OBI1: variants seen among roughly 807,000 people sequenced by gnomAD.
OBI1 encodes ring finger protein 219.
Under a neutral mutation model 62.4 loss-of-function variants are expected in OBI1, and 59 were observed. The observed-to-expected ratio is 0.95, with a 90% CI of 0.77 to 1.17. OBI1 has a LOEUF of 1.17. Ranked by LOEUF, OBI1 falls within the 50% of genes most tolerant of loss-of-function variation. The probability of loss-of-function intolerance (pLI) is 0.00; values close to 1 mark genes in which losing one functional copy is unlikely to be tolerated. For missense variants in OBI1, 875 were observed against 830.9 expected (o/e 1.05, Z -0.65); for synonymous variants, 302 against 292.8 (o/e 1.03, Z -0.32).
intron 1 of OBI1, among the ~76,000 whole-genome samples, chr13:78,646,121 G>A (rs1251127560): frequency 1.3e-5 from 2 of 152,186 alleles, no homozygotes; most frequent in Admixed American, 6.5e-5. Flanking sequence ...GGTTAACTGG[G>A]TGTGTTGACT....
chr13:78,656,943 A>C (rs1381075679), intron 1 of OBI1, among the ~76,000 whole-genome samples: 1 of 151,232 alleles, frequency 6.6e-6, no homozygotes, highest in Non-Finnish European at 1.5e-5. Flanking sequence ...CTGCCACCAC[A>C]CCCAGCAAAT....
At chr13:78,657,716 T>C (rs1031531423) in intron 1 of OBI1, among the ~76,000 whole-genome samples, 1 of 152,126 alleles carries the variant, frequency 6.6e-6, no homozygotes, top group African/African-American at 2.4e-5. Flanking sequence ...TTCCCAAGAA[T>C]ATTTTTATCA....
At chr13:78,629,259 A>G (rs1875775007) in intron 5 of OBI1, among the ~76,000 whole-genome samples, 1 of 152,132 alleles carries the variant, frequency 6.6e-6, no homozygotes, top group African/African-American at 2.4e-5. Flanking sequence ...TCAAACCCAT[A>G]GATCTCACTA....
rs528929849 is a variant in OBI1 at position 78,632,828 on chromosome 13, G to A, written c.638+2282C>T. Among the ~76,000 whole-genome samples, 312 of 152,194 alleles carry A rather than the reference G, an allele frequency of 2.1e-3. 1 individual carries two copies. The highest frequency in any genetic ancestry group is 5.9e-3 in the African/African-American group (246 of 41,550). On this transcript the variant is annotated intron_variant, in intron 5 of 5. Transcript: ENST00000282003. The stretch of plus-strand genomic sequence containing the variant: ...TGCATTGCAAATTGATCTGGAATAC[G>A]GTTTTCAGCTCAAATCGCTTTTCAA...
chr13:78,619,159 T>C (rs1295965068), intron 5 of OBI1, among the ~76,000 whole-genome samples: 2 of 152,092 alleles, frequency 1.3e-5, no homozygotes, highest in African/African-American at 2.4e-5. Context: ...AGTAAGTCAG[T>C]TGCTACCAAA....
At chr13:78,636,320 C>T (rs1876029070) in intron 4 of OBI1, among the ~76,000 whole-genome samples, 2 of 152,144 alleles carry the variant, frequency 1.3e-5, no homozygotes, top group South Asian at 4.1e-4. Flanking sequence ...AAAAATAACA[C>T]TCCCTAGACT....
intron 1 of OBI1, among the ~76,000 whole-genome samples, chr13:78,657,289 G>GAAA (rs11402361): frequency 1.4e-5 from 2 of 148,080 alleles, no homozygotes. Flanking sequence ...ACCAATACAG[G>GAAA]AAAAAAAAAA....
At chr13:78,658,979 G>T in intron 1 of OBI1, 70 bp downstream of exon 1, 1 of 1,414,774 alleles carries the variant, frequency 7.1e-7, no homozygotes. Context: ...CCCCGCACGA[G>T]ACGGCCCTCG....
chr13:78,616,605 G>A lies in OBI1; in HGVS notation c.1156C>T (p.Leu386Phe). The A allele has an allele frequency of 1.2e-6, 2 of 1,614,166 alleles. No homozygotes were observed. The highest frequency in any genetic ancestry group is 8.5e-7 in the Non-Finnish European group (1 of 1,180,028). ...VPYKDEELYDLPAPCTPLSLS... is the reference protein window; with the variant it reads ...VPYKDEELYDFPAPCTPLSLS... ...GACAAAGGAGTACAAGGAGCTGGAAGATCATAAAGTTCTTCATCTTTGTAG... is the reference window on the plus strand; with the variant it reads ...GACAAAGGAGTACAAGGAGCTGGAAAATCATAAAGTTCTTCATCTTTGTAG... The change falls in exon 6 of 6, where the codon CTT becomes TTT. Residue 386 changes from leucine to phenylalanine, a missense_variant. Coordinates refer to ENST00000282003, the MANE Select transcript of OBI1 (RefSeq NM_024546.4).
intron 1 of OBI1, among the ~76,000 whole-genome samples, chr13:78,648,384 A>G (rs1876450742): frequency 6.6e-6 from 1 of 151,940 alleles, no homozygotes; most frequent in African/African-American, 2.4e-5. Flanking sequence ...GTAAAAAAGG[A>G]AGTTATCTAC....
rs1876077512 is a variant in OBI1, at chr13:78,637,911, C to T, written c.549+912G>A. 3.3e-5 allele frequency among the ~76,000 whole-genome samples: 5 copies of T among 152,300 alleles called. 1 individual carries two copies. The South Asian group carries it at 1.0e-3, about 32-fold the overall frequency. The stretch of plus-strand genomic sequence containing the variant: ...TTTCTCTGCTACTTAACCTGAGGAC[C>T]TGAGAGCCAATATACAGGGGAACTC... On this transcript the variant is annotated intron_variant, in intron 4 of 5. Coordinates refer to ENST00000282003, the MANE Select transcript of OBI1 (RefSeq NM_024546.4).
intron 1 of OBI1, among the ~76,000 whole-genome samples, chr13:78,656,777 T>C (rs1876719560): frequency 7.0e-6 from 1 of 143,756 alleles, no homozygotes; most frequent in Non-Finnish European, 1.5e-5. Flanking sequence ...ATTAATTAAT[T>C]TTCTTTTATT....
chr13:78,620,763 A>C (rs1489926189), intron 5 of OBI1: 1 of 410,358 alleles, frequency 2.4e-6, no homozygotes, highest in Non-Finnish European at 4.8e-6. Flanking sequence ...CTAACAACAA[A>C]AAGTTCCTAA....
At chr13:78,619,705 C>T (rs1015236601) in intron 5 of OBI1, among the ~76,000 whole-genome samples, 20 of 152,134 alleles carry the variant, frequency 1.3e-4, no homozygotes, top group African/African-American at 4.8e-4. Context: ...CTTTCTCCCA[C>T]GTTAGAATAG....
intron 5 of OBI1, among the ~76,000 whole-genome samples, chr13:78,625,191 C>G (rs1377819139): frequency 6.6e-6 from 1 of 152,194 alleles, no homozygotes; most frequent in Non-Finnish European, 1.5e-5. Context: ...TATTTCATAT[C>G]TTTTTATTTC....
At chr13:78,624,043 T>G (rs1315549865) in intron 5 of OBI1, among the ~76,000 whole-genome samples, 1 of 152,238 alleles carries the variant, frequency 6.6e-6, no homozygotes, top group East Asian at 1.9e-4. Flanking sequence ...GTATGTATGA[T>G]AAACTTGCCT....
chr13:78,621,970 A>AC (rs1437313599), intron 5 of OBI1, among the ~76,000 whole-genome samples: 1 of 152,244 alleles, frequency 6.6e-6, no homozygotes, highest in African/African-American at 2.4e-5. Context: ...GAAGTTTTTC[A>AC]CAAAAAAACC....
At chr13:78,640,703 G>A (rs1174441170) in intron 3 of OBI1, among the ~76,000 whole-genome samples, 3 of 152,160 alleles carry the variant, frequency 2.0e-5, no homozygotes, top group African/African-American at 7.2e-5. Context: ...GAGAGGCTGA[G>A]GCAGGAGAAT....
In OBI1 at chr13:78,651,230, T is replaced by G. The variant is rs1053049755; in HGVS notation, c.73-6233A>C. ...AATGAATTTAAGGTTCTCATTCTTT[T>G]GTCTTTGATCTACTGCAATGACCAC... On this transcript the variant is annotated intron_variant, in intron 1 of 5. Transcript: ENST00000282003. Among the ~76,000 whole-genome samples, 3 of 152,358 alleles carry G rather than the reference T, an allele frequency of 2.0e-5. No homozygotes were observed. In the South Asian group the frequency reaches 6.2e-4, roughly 32 times the overall value.
Sources: gnomAD v4.1 joint callset for allele counts (sites outside exome capture counted in the v4.1 genomes callset) on GRCh38, gnomAD v4.1.1 for gene constraint, MANE v1.5 for transcripts, NCBI Gene and HGNC (gene_info 2026-07-23, HGNC 2026-07-21) for gene names.